The following LRP1B variants were observed in gnomAD, a reference collection of about 807,000 sequenced individuals.
The protein encoded by LRP1B is LDL receptor related protein 1B.
Under a neutral mutation model 556.6 loss-of-function variants are expected in LRP1B, and 217 were observed. The ratio of observed to expected loss-of-function variants is 0.39; its 90% CI spans 0.35 to 0.44. LRP1B has a LOEUF of 0.44. LRP1B is among the 20% of genes least tolerant of loss of function. The pLI, the probability that LRP1B is intolerant of heterozygous loss-of-function variation, is 1.00. For missense variants in LRP1B, 5,053 were observed against 5,620.8 expected, an observed-to-expected ratio of 0.90 and a Z score of 3.23; for synonymous variants, 2,047 against 1,865.8, an observed-to-expected ratio of 1.10 and a Z score of -2.50.
rs116331774 is a variant in LRP1B, at chr2:140,702,263, G to A, written c.6180C>T (p.Arg2060=). The A allele has an allele frequency of 6.4e-4, 1,033 of 1,613,592 alleles. 6 individuals are homozygous for A. The African/African-American group carries it at 0.012, about 19-fold the overall frequency. Residue 2060 remains arginine (R), a synonymous_variant, in exon 39 of 91, where the codon CGC becomes CGT. Transcript: ENST00000389484. The part of the protein sequence containing the change: ...EENKLYWCDA[R]TDKIERIDLE... ...GGTCGATTCTCTCTATCTTGTCTGT[G>A]CGAGCATCACACCAGTACAATTTAT...
chr2:140,404,269 G>A (rs1684636850), intron 66 of LRP1B, among the ~76,000 whole-genome samples: 1 of 148,524 alleles, frequency 6.7e-6, no homozygotes, highest in African/African-American at 2.5e-5. Flanking sequence ...TTGCCTCCTG[G>A]GTTCACGCCA....
intron 47 of LRP1B, among the ~76,000 whole-genome samples, chr2:140,531,345 T>C (rs1179987154): frequency 6.6e-6 from 1 of 152,118 alleles, no homozygotes; most frequent in African/African-American, 2.4e-5. Flanking sequence ...CCTCCTTTCT[T>C]CCAAATGCTA....
intron 2 of LRP1B, among the ~76,000 whole-genome samples, chr2:141,729,592 A>G (rs1031208566): frequency 1.6e-4 from 25 of 152,322 alleles, no homozygotes; most frequent in African/African-American, 6.0e-4. Context: ...CTGATGGACA[A>G]GACGGTTTAA....
chr2:141,041,621 C>A (rs1159000879), intron 11 of LRP1B, among the ~76,000 whole-genome samples: 1 of 152,064 alleles, frequency 6.6e-6, no homozygotes, highest in East Asian at 1.9e-4. Context: ...TCAACACATG[C>A]ATAGTTACAG....
chr2:141,666,300 T>C (rs1470188875), intron 2 of LRP1B, among the ~76,000 whole-genome samples: 3 of 152,096 alleles, frequency 2.0e-5, no homozygotes, highest in African/African-American at 2.4e-5. Context: ...AGAAGCAGGG[T>C]GGGGCTAGAT....
Position 141,023,920 on chromosome 2 carries a change from C to T in LRP1B, c.1790-3818G>A, listed in dbSNP as rs146478079. ...TTCTGAGTTGGAACGGAAGTGTCTACGTGAGTACAGAGTATGGTAAAGTGC... is the reference window on the plus strand; with the variant it reads ...TTCTGAGTTGGAACGGAAGTGTCTATGTGAGTACAGAGTATGGTAAAGTGC... On this transcript the variant is annotated intron_variant, in intron 11 of 90. Coordinates refer to ENST00000389484, the MANE Select transcript of LRP1B (RefSeq NM_018557.3). Among the ~76,000 whole-genome samples the T allele has an allele frequency of 6.0e-4, 92 of 152,124 alleles. 1 individual carries two copies. Among genetic ancestry groups the T allele is most frequent in the African/African-American group, 1.5e-3 (63 of 41,548 alleles).
rs909104245 is a variant in LRP1B at position 140,425,849 on chromosome 2, A to T, written c.10414+16655T>A. Among the ~76,000 whole-genome samples the T allele has an allele frequency of 8.5e-5, 13 of 152,278 alleles. No individual in the cohort carries two copies. In the East Asian group the frequency reaches 2.5e-3, roughly 29 times the overall value. On this transcript the variant is annotated intron_variant, in intron 66 of 90. Transcript: ENST00000389484. ...TTAAATAATATTTTATACTTATGTG[A>T]TCATCCACATAAGGCACACAGCTAA... is the stretch of plus-strand genomic sequence containing the variant.
chr2:141,068,466 A>AGCCG (rs1699543314), intron 7 of LRP1B, among the ~76,000 whole-genome samples: 1 of 151,354 alleles, frequency 6.6e-6, no homozygotes, highest in Admixed American at 6.6e-5. Context: ...TGCAAGAGAA[A>AGCCG]GCCGGCCACC....
intron 2 of LRP1B, among the ~76,000 whole-genome samples, chr2:141,779,276 A>G (rs532131937): frequency 9.2e-5 from 14 of 152,246 alleles, no homozygotes; most frequent in African/African-American, 3.1e-4. Flanking sequence ...CTTTCCTATT[A>G]TGTGTCAGTC....
At chr2:140,935,562 C>G (rs1337787430) in intron 20 of LRP1B, among the ~76,000 whole-genome samples, 1 of 151,852 alleles carries the variant, frequency 6.6e-6, no homozygotes, top group Non-Finnish European at 1.5e-5. Context: ...TGAAGAAGAG[C>G]AATATATAAA....
intron 7 of LRP1B, among the ~76,000 whole-genome samples, chr2:141,117,244 T>G (rs1370085561): frequency 2.6e-5 from 4 of 151,848 alleles, no homozygotes; most frequent in African/African-American, 7.2e-5. Flanking sequence ...TCATTTTTTT[T>G]TTTTTTTTTT....
chr2:141,323,172 T>C (rs2105474996), intron 3 of LRP1B, among the ~76,000 whole-genome samples: 1 of 152,186 alleles, frequency 6.6e-6, no homozygotes, highest in South Asian at 2.1e-4. Flanking sequence ...ATATGAACCA[T>C]TGATACAGAA....
chr2:142,002,021 T>TA (rs1044070289), intron 1 of LRP1B, among the ~76,000 whole-genome samples: 3 of 152,120 alleles, frequency 2.0e-5, no homozygotes, highest in Admixed American at 6.6e-5. Flanking sequence ...TTAATTCAAC[T>TA]AAAAAAGGAA....
chr2:140,748,129 ATATAT>A (rs1559093653), intron 35 of LRP1B, among the ~76,000 whole-genome samples: 1,782 of 69,388 alleles, frequency 0.026, 49 homozygotes, highest in South Asian at 0.096. Context: ...ATATATATAT[ATATAT>A]ATAATTCATA....
chr2:141,366,637 C>T (rs1354937465), intron 3 of LRP1B, among the ~76,000 whole-genome samples: 1 of 152,160 alleles, frequency 6.6e-6, no homozygotes, highest in East Asian at 1.9e-4. Context: ...ATTTCAAAAT[C>T]GGCCATATTG....
At chr2:140,961,912 T>C (rs1349368281) in intron 18 of LRP1B, among the ~76,000 whole-genome samples, 2 of 152,146 alleles carry the variant, frequency 1.3e-5, no homozygotes, top group Admixed American at 6.5e-5. Context: ...CCAGGAAACT[T>C]GGCTAAGAGT....
intron 1 of LRP1B, among the ~76,000 whole-genome samples, chr2:141,852,757 G>A (rs555623448): frequency 4.6e-5 from 7 of 151,340 alleles, no homozygotes; most frequent in Non-Finnish European, 1.0e-4. Context: ...ATTAAATAAA[G>A]CTGAACCTAT....
chr2:140,831,434 C>G (rs1156866359), intron 31 of LRP1B, among the ~76,000 whole-genome samples: 1 of 152,038 alleles, frequency 6.6e-6, no homozygotes, highest in African/African-American at 2.4e-5. Flanking sequence ...AGGACAATAT[C>G]TTCAATAAAT....
intron 2 of LRP1B, among the ~76,000 whole-genome samples, chr2:141,783,564 C>A (rs1695332200): frequency 6.6e-6 from 1 of 151,810 alleles, no homozygotes; most frequent in Non-Finnish European, 1.5e-5. Context: ...CATTATTTTT[C>A]TCATCTCAAA....
Sources: allele counts gnomAD v4.1 joint callset (sites outside exome capture counted in the v4.1 genomes callset), GRCh38; gene constraint gnomAD v4.1.1; transcripts MANE v1.5; gene names NCBI Gene and HGNC (gene_info 2026-07-23, HGNC 2026-07-21).